Variants in ORC4 observed in about 807,000 individuals in gnomAD.
ORC4 encodes origin recognition complex subunit 4.
Under a neutral mutation model 63.9 loss-of-function variants are expected in ORC4, and 55 were observed. The observed-to-expected ratio is 0.86, with a 90% CI of 0.69 to 1.08. The LOEUF is 1.08. ORC4 is among the 50% of genes least tolerant of loss of function. The pLI, the probability that ORC4 is intolerant of heterozygous loss-of-function variation, is 0.00. For missense variants in ORC4, 511 were observed against 504.4 expected, an observed-to-expected ratio of 1.01 and a Z score of -0.13; for synonymous variants, 150 against 168.5, an observed-to-expected ratio of 0.89 and a Z score of 0.85.
At chr2:148,004,825 T>C (rs1376056726) in intron 1 of ORC4, among the ~76,000 whole-genome samples, 2 of 152,072 alleles carry the variant, frequency 1.3e-5, no homozygotes, top group African/African-American at 2.4e-5. Flanking sequence ...TTACTGGTCA[T>C]GACAGAAAAG....
chr2:147,931,556 G>C lies in ORC4; in HGVS notation c.*3954C>G, dbSNP rs971073663. 7 of 151,986 alleles carry C rather than the reference G, an allele frequency of 4.6e-5. No individual in the cohort carries two copies. Among genetic ancestry groups the C allele is most frequent in the Admixed American group, 3.9e-4 (6 of 15,196 alleles). 9.4% of individuals were successfully genotyped at this position (151,986 alleles called of 1,614,324 possible). On this transcript the variant is annotated 3_prime_UTR_variant, in exon 14 of 14. Coordinates refer to ENST00000392857, the MANE Select transcript of ORC4 (RefSeq NM_181741.4). ...TTTTTAATGATTGCCATTCTAACTGGATAAAATACTGGCAAAACGAATCCA... is the reference window on the plus strand; with the variant it reads ...TTTTTAATGATTGCCATTCTAACTGCATAAAATACTGGCAAAACGAATCCA...
intron 13 of ORC4, chr2:147,936,517 T>TA (rs1483001827): frequency 1.3e-5 from 2 of 152,118 alleles, no homozygotes; most frequent in Admixed American, 6.6e-5. Context: ...CAACTCACTG[T>TA]AAAAAACATC....
At chr2:148,005,498 T>A (rs1404334123) in intron 1 of ORC4, among the ~76,000 whole-genome samples, 1 of 151,898 alleles carries the variant, frequency 6.6e-6, no homozygotes, top group Admixed American at 6.6e-5. Context: ...CAAACCTACA[T>A]GTTCTGCACA....
intron 4 of ORC4, among the ~76,000 whole-genome samples, chr2:147,961,689 T>C (rs1347733585): frequency 6.6e-6 from 1 of 152,178 alleles, no homozygotes; most frequent in South Asian, 2.1e-4. Context: ...CAGATTCCAC[T>C]ATAGTGAAAA....
At chr2:148,019,316 G>T (rs1022116195) in intron 1 of ORC4, among the ~76,000 whole-genome samples, 3 of 152,204 alleles carry the variant, frequency 2.0e-5, no homozygotes, top group African/African-American at 7.2e-5. Flanking sequence ...CCGGCCGGGC[G>T]CGGTGGCTCA....
chr2:147,986,108 A>AT (rs1691188064), intron 1 of ORC4, among the ~76,000 whole-genome samples: 1 of 152,104 alleles, frequency 6.6e-6, no homozygotes, highest in East Asian at 1.9e-4. Flanking sequence ...ACACATCTTT[A>AT]TTTTTAAGAT....
chr2:148,009,961 G>C (rs1692849731), intron 1 of ORC4, among the ~76,000 whole-genome samples: 1 of 152,002 alleles, frequency 6.6e-6, no homozygotes, highest in South Asian at 2.1e-4. Context: ...TCCAAAAAGA[G>C]CACCATCATG....
chr2:147,939,405 A>G (rs1688242786), intron 10 of ORC4, among the ~76,000 whole-genome samples, 157 bp from the exon 11 acceptor site: 1 of 152,166 alleles, frequency 6.6e-6, no homozygotes, highest in Non-Finnish European at 1.5e-5. Flanking sequence ...AAAATACAGT[A>G]TTTCAATTTG....
intron 3 of ORC4, 45 bp downstream of exon 3, chr2:147,973,403 A>G (rs1690339189): frequency 1.3e-5 from 15 of 1,136,840 alleles, no homozygotes; most frequent in Non-Finnish European, 2.0e-5. Flanking sequence ...CCTGGAAGGC[A>G]TCTGTAAGTA....
At position 147,991,594 on chromosome 2, in the gene ORC4, T is replaced by A. The variant is rs111486071; in HGVS notation, c.-17-15619A>T. On this transcript the variant is annotated intron_variant, in intron 1 of 13. Coordinates refer to ENST00000392857, the MANE Select transcript of ORC4 (RefSeq NM_181741.4). ...CTGTAATCCCAGCACTTTGGGAGGC[T>A]GAGGCGGGTGGATCACCTGAGTTCA... is the stretch of plus-strand genomic sequence containing the variant. Among the ~76,000 whole-genome samples the A allele has an allele frequency of 1.1e-4, 17 of 152,092 alleles. 1 individual carries two copies. The highest frequency in any genetic ancestry group is 3.6e-4 in the African/African-American group (15 of 41,508).
intron 1 of ORC4, among the ~76,000 whole-genome samples, chr2:148,017,478 C>T (rs922135362): frequency 6.6e-6 from 1 of 152,200 alleles, no homozygotes; most frequent in African/African-American, 2.4e-5. Context: ...TTGAGACCAG[C>T]CTAGCCAAAA....
At chr2:147,987,923 G>A (rs1053563233) in intron 1 of ORC4, among the ~76,000 whole-genome samples, 4 of 151,612 alleles carry the variant, frequency 2.6e-5, no homozygotes, top group African/African-American at 7.3e-5. Context: ...TGTGGTGGCC[G>A]GCGCCTATAG....
rs1687986072 is a variant in ORC4 at position 147,935,256 on chromosome 2, GGTCTAGTC to G, written c.*246_*253del. 2.0e-6 allele frequency: 1 copy of G among 488,798 alleles called. No individual in the cohort carries two copies. Among genetic ancestry groups the G allele is most frequent in the Non-Finnish European group, 3.7e-6 (1 of 269,058 alleles). 30.3% of individuals were successfully genotyped at this position (488,798 alleles called of 1,614,324 possible). On this transcript the variant is annotated 3_prime_UTR_variant, in exon 14 of 14. Transcript: ENST00000392857. ...ATATATAAGTGTTAAAAAAGCACAT[GGTCTAGTC>G]CCTAAAACAGTCATATTTTATTCTT...
chr2:148,000,958 G>A (rs1486066518), intron 1 of ORC4, among the ~76,000 whole-genome samples: 2 of 152,026 alleles, frequency 1.3e-5, no homozygotes, highest in African/African-American at 4.8e-5. Context: ...TGAAAAAACA[G>A]GAGGTAGCAA....
intron 6 of ORC4, among the ~76,000 whole-genome samples, chr2:147,955,900 A>G (rs546651715): frequency 2.0e-5 from 3 of 152,026 alleles, no homozygotes; most frequent in African/African-American, 7.2e-5. Context: ...ATTAGATACT[A>G]TAACAGTGTT....
In ORC4 at chr2:147,991,790, T is replaced by C. The variant is rs115111575; in HGVS notation, c.-17-15815A>G. On this transcript the variant is annotated intron_variant, in intron 1 of 13. Coordinates refer to ENST00000392857, the MANE Select transcript of ORC4 (RefSeq NM_181741.4). ...CTGCAGTAAGCGGAGATTGCACCACTGCACTCCAACCAGGGCAAGACAGAG... is the reference window on the plus strand; with the variant it reads ...CTGCAGTAAGCGGAGATTGCACCACCGCACTCCAACCAGGGCAAGACAGAG... Among the ~76,000 whole-genome samples, 1,116 of 152,222 alleles carry C rather than the reference T, an allele frequency of 7.3e-3. 21 individuals carry two copies. Among genetic ancestry groups the C allele is most frequent in the African/African-American group, 0.025 (1,045 of 41,528 alleles).
At chr2:148,000,637 C>T (rs1024064213) in intron 1 of ORC4, among the ~76,000 whole-genome samples, 8 of 152,086 alleles carry the variant, frequency 5.3e-5, no homozygotes, top group South Asian at 2.1e-4. Flanking sequence ...ATAGAGACTG[C>T]ACCAGCAGCA....
chr2:147,994,935 G>T (rs929984298), intron 1 of ORC4, among the ~76,000 whole-genome samples: 4 of 152,198 alleles, frequency 2.6e-5, no homozygotes, highest in African/African-American at 7.2e-5. Context: ...GGTGAAGCCA[G>T]CTGGACTTCC....
intron 10 of ORC4, 73 bp from the exon 11 acceptor site, chr2:147,939,321 G>C (rs1470932783): frequency 1.2e-6 from 1 of 869,288 alleles, no homozygotes; most frequent in African/African-American, 1.6e-5. Flanking sequence ...CAAAACTTCT[G>C]AATTTGTATA....
Sources: allele counts gnomAD v4.1 joint callset (sites outside exome capture counted in the v4.1 genomes callset), GRCh38; gene constraint gnomAD v4.1.1; transcripts MANE v1.5; gene names NCBI Gene and HGNC (gene_info 2026-07-23, HGNC 2026-07-21).